ZBTB46: variants seen among roughly 807,000 people sequenced by gnomAD.
The protein encoded by ZBTB46 is zinc finger and BTB domain containing 46.
A neutral mutation model predicts 44.1 loss-of-function variants in ZBTB46; 8 were observed. The observed-to-expected ratio is 0.18, with a 90% confidence interval of 0.11 to 0.33. The LOEUF (loss-of-function observed/expected upper bound fraction) is 0.33, where lower values mean the gene tolerates loss of function less well. Among genes scored for constraint, ZBTB46 ranks in the 10% least tolerant of loss-of-function variants. The pLI is 1.00. For synonymous variants in ZBTB46, 409 were observed against 382.3 expected (o/e 1.07, Z -0.81); for missense variants, 651 against 847.7 (o/e 0.77, Z 2.88).
At chr20:63,805,184 G>A (rs2145999828) in intron 1 of ZBTB46, among the ~76,000 whole-genome samples, 1 of 152,182 alleles carries the variant, frequency 6.6e-6, no homozygotes, top group East Asian at 1.9e-4. Context: ...CTCCCAAAGT[G>A]CTGGGATTAC....
chr20:63,772,765 A>ACACACC lies in ZBTB46; in HGVS notation c.1222+2912_1222+2913insGGTGTG, dbSNP rs760494766. Among the ~76,000 whole-genome samples, 314 of 53,034 alleles carry ACACACC rather than the reference A, an allele frequency of 5.9e-3. 5 individuals carry two copies. Among genetic ancestry groups the ACACACC allele is most frequent in the Middle Eastern group, 0.022 (2 of 90 alleles). The allele number at this position is 53,034 out of a possible 152,430, so 34.8% of individuals were successfully genotyped here. ...CACACACACACACACACACACACACACAGAAGTGCGGGGTGTGCCCTCACC... is the reference window on the plus strand; with the variant it reads ...CACACACACACACACACACACACACACACACCCAGAAGTGCGGGGTGTGCCCTCACC... On this transcript the variant is annotated intron_variant, in intron 3 of 4. Transcript: ENST00000245663.
chr20:63,814,440 T>C (rs1007092462), intron 1 of ZBTB46, among the ~76,000 whole-genome samples: 1 of 152,140 alleles, frequency 6.6e-6, no homozygotes, highest in Non-Finnish European at 1.5e-5. Context: ...AATATAACTT[T>C]TACAAAACTG....
At chr20:63,762,673 C>CAAAA (rs2092287361) in intron 3 of ZBTB46, among the ~76,000 whole-genome samples, 2 of 105,260 alleles carry the variant, frequency 1.9e-5, no homozygotes, top group Non-Finnish European at 3.9e-5. Context: ...AACAAACAAA[C>CAAAA]AAACAAAAAA....
rs1488375144 is a variant in ZBTB46 at position 63,803,671 on chromosome 20, C to CCG, written c.-33-12883_-33-12882dup. Among the ~76,000 whole-genome samples the CCG allele has an allele frequency of 1.3e-5, 2 of 152,088 alleles. No homozygotes were observed. Among genetic ancestry groups the CCG allele is most frequent in the Non-Finnish European group, 2.9e-5 (2 of 68,012 alleles). On this transcript the variant is annotated intron_variant, in intron 1 of 4. Transcript: ENST00000245663. The surrounding 1 kb of genome is among the most constrained non-coding windows in gnomAD (Gnocchi z 4.0). ...CTCCAGCCCGGCTCTGACGCCCAGG[C>CCG]CGCCTCCTCCGCCTTCCCGAACCTG...
intron 3 of ZBTB46, among the ~76,000 whole-genome samples, chr20:63,765,696 C>T (rs2092315442): frequency 7.0e-6 from 1 of 142,822 alleles, no homozygotes; most frequent in Admixed American, 7.1e-5. Context: ...TCCCAAAGTA[C>T]TGGGATTACA....
chr20:63,764,679 C>T (rs145087811), intron 3 of ZBTB46, among the ~76,000 whole-genome samples: 4 of 151,128 alleles, frequency 2.6e-5, no homozygotes, highest in East Asian at 2.0e-4. Context: ...CTCAGCTCAC[C>T]GCATCCTCCA....
rs115377242 is a variant in ZBTB46, at chr20:63,752,270, G to A, written c.1398+416C>T. ...CACTCCACACCTGCTACCTGACAAC[G>A]ACCTGCCAGTGCTGAGCTCCAGGGT... On this transcript the variant is annotated intron_variant, in intron 4 of 4. Transcript: ENST00000245663. The surrounding 1 kb of genome is among the most constrained non-coding windows in gnomAD (Gnocchi z 5.6). Among the ~76,000 whole-genome samples, 2,645 of 150,954 alleles carry A rather than the reference G, an allele frequency of 0.018. 88 individuals carry two copies. The highest frequency in any genetic ancestry group is 0.061 in the African/African-American group (2,505 of 41,398).
chr20:63,755,633 C>A (rs531888753), intron 3 of ZBTB46, among the ~76,000 whole-genome samples: 1 of 152,276 alleles, frequency 6.6e-6, no homozygotes, highest in African/African-American at 2.4e-5. Context: ...GCTCAACCCA[C>A]GACATTTGAC....
Position 63,766,400 on chromosome 20 carries a change from G to C in ZBTB46, c.1222+9278C>G, listed in dbSNP as rs560751509. ...CCAGCTAATTTTTCTATTTTTAGTA[G>C]AGATACGATTTCGCCATGTTGGCCA... On this transcript the variant is annotated intron_variant, in intron 3 of 4. Transcript: ENST00000245663. Among the ~76,000 whole-genome samples the C allele has an allele frequency of 2.8e-3, 433 of 151,940 alleles. 2 individuals are homozygous for C. The highest frequency in any genetic ancestry group is 4.7e-3 in the Non-Finnish European group (318 of 67,952).
intron 4 of ZBTB46, among the ~76,000 whole-genome samples, chr20:63,747,717 C>A (rs1417051006): frequency 6.6e-6 from 1 of 152,110 alleles, no homozygotes; most frequent in Admixed American, 6.5e-5. Context: ...GGCACCAAGG[C>A]AGCCCTGTCC....
Position 63,803,214 on chromosome 20 carries a change from G to C in ZBTB46, c.-33-12424C>G. 8 of 792,070 alleles carry C rather than the reference G, an allele frequency of 1.0e-5. No individual in the cohort carries two copies. Among genetic ancestry groups the C allele is most frequent in the Non-Finnish European group, 1.2e-5 (8 of 653,790 alleles). 49.1% of individuals were successfully genotyped at this position (792,070 alleles called of 1,614,324 possible). On this transcript the variant is annotated intron_variant, in intron 1 of 4. Coordinates refer to ENST00000245663, the MANE Select transcript of ZBTB46 (RefSeq NM_001369741.1). The surrounding 1 kb of genome is among the most constrained non-coding windows in gnomAD (Gnocchi z 4.0). ...CATCCCCCAGGGCGCCTCACCAGCA[G>C]GAACCAGGCACCTCCCCTCACACCA...
intron 1 of ZBTB46, among the ~76,000 whole-genome samples, chr20:63,829,497 C>T (rs952930984): frequency 2.0e-5 from 3 of 152,252 alleles, no homozygotes; most frequent in Non-Finnish European, 4.4e-5. Flanking sequence ...ACTCCCCAGC[C>T]CTCTTCCTTC....
chr20:63,797,911 T>A (rs2092615746), intron 1 of ZBTB46, among the ~76,000 whole-genome samples: 1 of 152,250 alleles, frequency 6.6e-6, no homozygotes, highest in South Asian at 2.1e-4. Context: ...TCGCCCTTTG[T>A]CATGAGTAGA....
intron 3 of ZBTB46, chr20:63,769,295 G>A: frequency 1.0e-6 from 1 of 985,470 alleles, no homozygotes; most frequent in Non-Finnish European, 1.2e-6. Context: ...GGGTCTGGCG[G>A]TTCCCCAGAG....
At chr20:63,796,047 A>G (rs2092601190) in intron 1 of ZBTB46, among the ~76,000 whole-genome samples, 1 of 152,222 alleles carries the variant, frequency 6.6e-6, no homozygotes, top group African/African-American at 2.4e-5. Context: ...GCCTGGATAG[A>G]TGCCTGTGTC....
At chr20:63,810,777 C>CA (rs1001530512) in intron 1 of ZBTB46, among the ~76,000 whole-genome samples, 2 of 152,164 alleles carry the variant, frequency 1.3e-5, no homozygotes, top group African/African-American at 4.8e-5. Context: ...AAATAAAACA[C>CA]AAACGCGAGA....
intron 1 of ZBTB46, among the ~76,000 whole-genome samples, chr20:63,827,025 G>A (rs571561126): frequency 1.3e-5 from 2 of 151,982 alleles, no homozygotes; most frequent in East Asian, 1.9e-4. Context: ...CCCTTCCCTC[G>A]AGTCACCTTT....
At chr20:63,800,633 G>A (rs1003090684) in intron 1 of ZBTB46, among the ~76,000 whole-genome samples, 2 of 152,240 alleles carry the variant, frequency 1.3e-5, no homozygotes, top group Non-Finnish European at 1.5e-5. Context: ...GGTGGGTGTG[G>A]GCTTGGCGGC....
rs571933362 is a variant in ZBTB46, at chr20:63,769,904, C to T, written c.1222+5774G>A. Among the ~76,000 whole-genome samples, 6 of 152,352 alleles carry T rather than the reference C, an allele frequency of 3.9e-5. No homozygotes were observed. The East Asian group carries it at 5.8e-4, about 15-fold the overall frequency. ...CTGTTCTCTGCAAAACGCCTCCTGA[C>T]GCCCGGGCCCAGCCGCTCCGCCATC... is the stretch of plus-strand genomic sequence containing the variant. On this transcript the variant is annotated intron_variant, in intron 3 of 4. Coordinates refer to ENST00000245663, the MANE Select transcript of ZBTB46 (RefSeq NM_001369741.1).
Sources: gnomAD v4.1 joint callset for allele counts (sites outside exome capture counted in the v4.1 genomes callset) on GRCh38, gnomAD v4.1.1 for gene constraint, Gnocchi (gnomAD v3.1) non-coding constraint, MANE v1.5 for transcripts, NCBI Gene and HGNC (gene_info 2026-07-23, HGNC 2026-07-21) for gene names.